The following HAPLN3 variants were observed in gnomAD, a reference collection of about 807,000 sequenced individuals.
The protein encoded by HAPLN3 is hyaluronan and proteoglycan link protein 3, also known as extracellular link domain containing, 1.
Under a neutral mutation model 28.1 loss-of-function variants are expected in HAPLN3, and 28 were observed. The ratio of observed to expected loss-of-function variants is 1.00; its 90% CI spans 0.74 to 1.37. HAPLN3 has a LOEUF of 1.37. HAPLN3 is among the 40% of genes most tolerant of loss of function. The probability of loss-of-function intolerance (pLI) is 0.00; values close to 1 mark genes in which losing one functional copy is unlikely to be tolerated. For missense variants in HAPLN3, 513 were observed against 504.6 expected (o/e 1.02, Z -0.16); for synonymous variants, 211 against 213.1 (o/e 0.99, Z 0.09).
chr15:88,894,150 C>T (rs1420153036), intron 1 of HAPLN3, among the ~76,000 whole-genome samples: 1 of 152,180 alleles, frequency 6.6e-6, no homozygotes, highest in Non-Finnish European at 1.5e-5. Context: ...TCCTCTCTCA[C>T]TGCCTACGAG....
chr15:88,891,288 C>G (rs1898006060), intron 1 of HAPLN3, among the ~76,000 whole-genome samples: 1 of 151,570 alleles, frequency 6.6e-6, no homozygotes, highest in African/African-American at 2.4e-5. Context: ...CTTACTCTCT[C>G]ATTTATTTTA....
chr15:88,878,861 TACCAGCAGA>T, intron 4 of HAPLN3, 97 bp downstream of exon 4: 3 of 1,255,050 alleles, frequency 2.4e-6, no homozygotes, highest in Non-Finnish European at 3.3e-6. Context: ...CAGGTGGCAG[TACCAGCAGA>T]GCCAGCAGAG....
At chr15:88,889,905 C>T (rs1897964798) in intron 1 of HAPLN3, among the ~76,000 whole-genome samples, 1 of 149,084 alleles carries the variant, frequency 6.7e-6, no homozygotes, top group Non-Finnish European at 1.5e-5. Flanking sequence ...TTGTGAATGC[C>T]TGTGTACAGG....
chr15:88,881,688 G>T lies in HAPLN3; in HGVS notation c.162C>A (p.Pro54=), dbSNP rs200941021. The T allele has an allele frequency of 2.5e-6, 4 of 1,613,302 alleles. No individual in the cohort carries two copies. In the African/African-American group the frequency reaches 4.0e-5, roughly 16 times the overall value. ...CTTGGTAGGTGAACAGGGTCTCCTCGGGTGTCTCCACCACCAGCTTCACTC... is the reference window on the plus strand; with the variant it reads ...CTTGGTAGGTGAACAGGGTCTCCTCTGGTGTCTCCACCACCAGCTTCACTC... ...LNGVKLVVET[P]EETLFTYQGA... is the part of the protein sequence containing the mutation. Residue 54 remains proline, a synonymous_variant, in exon 3 of 5, where the codon CCC becomes CCA. Transcript: ENST00000359595. The surrounding 1 kb of genome is among the most constrained non-coding windows in gnomAD (Gnocchi z 6.0).
chr15:88,878,696 G>A (rs1312170499), intron 4 of HAPLN3, among the ~76,000 whole-genome samples: 2 of 152,226 alleles, frequency 1.3e-5, no homozygotes, highest in Non-Finnish European at 2.9e-5. Context: ...TGTGATTCCC[G>A]AGAGCCTAGT....
rs2141656553 is a variant in HAPLN3, at chr15:88,879,845, A to G, written c.494-576T>C. 1 of 1,062,322 alleles carries G rather than the reference A, an allele frequency of 9.4e-7. No homozygotes were observed. The highest frequency in any genetic ancestry group is 1.1e-6 in the Non-Finnish European group (1 of 876,082). 65.8% of individuals were successfully genotyped at this position (1,062,322 alleles called of 1,614,324 possible). A position where few individuals can be genotyped will look rare whatever the true frequency, so the allele number is the denominator to read the frequency against. On this transcript the variant is annotated intron_variant, in intron 3 of 4. Transcript: ENST00000359595. The surrounding 1 kb of genome is among the most constrained non-coding windows in gnomAD (Gnocchi z 5.0). ...GCAGGCGGTTTCTCTCCTTGTGGTC[A>G]GGGTCTGATAGAGGCCACAGGCCCT...
Position 88,879,909 on chromosome 15 carries a change from A to G in HAPLN3, c.494-640T>C, listed in dbSNP as rs1431382202. On this transcript the variant is annotated intron_variant, in intron 3 of 4. Coordinates refer to ENST00000359595, the MANE Select transcript of HAPLN3 (RefSeq NM_178232.4). This position sits in a 1 kb window ranked among gnomAD's most constrained non-coding sequence, Gnocchi z 5.0. ...CGTGTTTGAAATTTTACTCTAATAA[A>G]AAGTTTTTAAACTTCTGAGATGTAG... 4.9e-6 allele frequency: 5 copies of G among 1,014,166 alleles called. No individual in the cohort carries two copies. The highest frequency in any genetic ancestry group is 3.5e-6 in the Non-Finnish European group (3 of 847,178). The allele number at this position is 1,014,166 out of a possible 1,614,324, so 62.8% of individuals were successfully genotyped here. A position where few individuals can be genotyped will look rare whatever the true frequency, so the allele number is the denominator to read the frequency against.
intron 1 of HAPLN3, among the ~76,000 whole-genome samples, chr15:88,894,805 C>G (rs970730702): frequency 6.6e-6 from 1 of 152,208 alleles, no homozygotes; most frequent in Non-Finnish European, 1.5e-5. Flanking sequence ...CACAAGCCTA[C>G]GTTTCTCCCT....
At position 88,888,594 on chromosome 15, in the gene HAPLN3, C is replaced by T. The variant is rs570409040; in HGVS notation, c.-47-1249G>A. Among the ~76,000 whole-genome samples, 66 of 152,282 alleles carry T rather than the reference C, an allele frequency of 4.3e-4. 1 individual carries two copies. The highest frequency in any genetic ancestry group is 3.3e-3 in the Admixed American group (51 of 15,286). On this transcript the variant is annotated intron_variant, in intron 1 of 4. Transcript: ENST00000359595. The surrounding 1 kb of genome is among the most constrained non-coding windows in gnomAD (Gnocchi z 4.1). ...CGCTTAAATCTCACACCAAGGGCTA[C>T]TGCCTCACTCATGTCACCCTAGCCC...
chr15:88,890,799 C>T (rs1435112111), intron 1 of HAPLN3, among the ~76,000 whole-genome samples: 1 of 152,196 alleles, frequency 6.6e-6, no homozygotes, highest in Non-Finnish European at 1.5e-5. Context: ...CAGAGCTGCC[C>T]ATCAGCCCTG....
chr15:88,883,314 A>C (rs1050396310), intron 2 of HAPLN3, among the ~76,000 whole-genome samples: 5 of 152,244 alleles, frequency 3.3e-5, no homozygotes, highest in Non-Finnish European at 4.4e-5. Flanking sequence ...CCTGCTCTGC[A>C]GAGGCAGTAG....
intron 1 of HAPLN3, among the ~76,000 whole-genome samples, chr15:88,887,801 T>C (rs949194217): frequency 4.0e-5 from 6 of 151,824 alleles, no homozygotes; most frequent in Non-Finnish European, 8.8e-5. Context: ...CCGTCTCTAC[T>C]AAAAATACAA....
chr15:88,885,948 G>A (rs890272018), intron 2 of HAPLN3, among the ~76,000 whole-genome samples: 5 of 152,150 alleles, frequency 3.3e-5, no homozygotes, highest in African/African-American at 1.2e-4. Flanking sequence ...TCTGAGCCTA[G>A]TTTGCTCATC....
At chr15:88,883,407 T>G (rs532988748) in intron 2 of HAPLN3, among the ~76,000 whole-genome samples, 6 of 152,344 alleles carry the variant, frequency 3.9e-5, no homozygotes, top group African/African-American at 1.2e-4. Context: ...AAGTCAAGAC[T>G]CAGCTTCCCC....
chr15:88,878,069 C>T lies in HAPLN3; in HGVS notation c.984G>A (p.Pro328=), dbSNP rs528539488. ...GCTCTGGGGGCCCACAGTTAGGATGCGGGTGAACCACAGGGTAGCGGACGC... is the reference window on the plus strand; with the variant it reads ...GCTCTGGGGGCCCACAGTTAGGATGTGGGTGAACCACAGGGTAGCGGACGC... The part of the protein sequence containing the change: ...DGSVRYPVVH[P]HPNCGPPEPG... Residue 328 remains proline (P), a synonymous_variant, in exon 5 of 5, where the codon CCG becomes CCA. Transcript: ENST00000359595. The T allele has an allele frequency of 7.4e-6, 12 of 1,613,910 alleles. No individual in the cohort carries two copies. Among genetic ancestry groups the T allele is most frequent in the African/African-American group, 2.7e-5 (2 of 74,910 alleles).
intron 2 of HAPLN3, among the ~76,000 whole-genome samples, chr15:88,882,950 A>C (rs1235739662): frequency 6.6e-6 from 1 of 152,152 alleles, no homozygotes; most frequent in African/African-American, 2.4e-5. Context: ...GGCTGCAGTG[A>C]GTCATGATCG....
intron 1 of HAPLN3, among the ~76,000 whole-genome samples, chr15:88,889,461 G>A (rs552260239): frequency 7.3e-4 from 111 of 152,272 alleles, no homozygotes; most frequent in Middle Eastern, 6.8e-3. Context: ...TCAGCCTCCC[G>A]AGTAGCTGGG....
Position 88,880,992 on chromosome 15 carries a change from G to A in HAPLN3, c.493+365C>T, listed in dbSNP as rs146349638. Among the ~76,000 whole-genome samples, 5 of 152,178 alleles carry A rather than the reference G, an allele frequency of 3.3e-5. No homozygotes were observed. The highest frequency in any genetic ancestry group is 3.9e-4 in the East Asian group (2 of 5,158). On this transcript the variant is annotated intron_variant, in intron 3 of 4. Transcript: ENST00000359595. The surrounding 1 kb of genome is among the most constrained non-coding windows in gnomAD (Gnocchi z 6.0). ...GCTGCCTCATTCGCTTGTGTTACCC[G>A]CTAACCTTGCTTAAATCTCAGCTCT...
intron 2 of HAPLN3, among the ~76,000 whole-genome samples, chr15:88,884,840 G>A (rs999153277): frequency 2.6e-5 from 4 of 152,144 alleles, no homozygotes; most frequent in African/African-American, 9.7e-5. Context: ...TGACCAAGGA[G>A]GCAGAGCCTG....
Sources: gnomAD v4.1 joint callset for allele counts (sites outside exome capture counted in the v4.1 genomes callset) on GRCh38, gnomAD v4.1.1 for gene constraint, Gnocchi (gnomAD v3.1) non-coding constraint, MANE v1.5 for transcripts, NCBI Gene and HGNC (gene_info 2026-07-23, HGNC 2026-07-21) for gene names.